The following CELF2 variants were observed in gnomAD, a reference collection of about 807,000 sequenced individuals.
CELF2 encodes CUG triplet repeat RNA-binding protein 2.
Under a neutral mutation model 62.6 loss-of-function variants are expected in CELF2, and 8 were observed. The observed-to-expected ratio is 0.13, with a 90% CI of 0.07 to 0.23. CELF2 has a LOEUF of 0.23. Ranked by LOEUF, CELF2 falls within the 10% of genes least tolerant of loss-of-function variation. The probability of loss-of-function intolerance (pLI) is 1.00; values close to 1 mark genes in which losing one functional copy is unlikely to be tolerated. For synonymous variants in CELF2, 258 were observed against 250.0 expected, an observed-to-expected ratio of 1.03 and a Z score of -0.30; for missense variants, 333 against 671.0, an observed-to-expected ratio of 0.50 and a Z score of 5.56.
chr10:11,329,069 C>G lies in CELF2; in HGVS notation c.*16C>G. On this transcript the variant is annotated 3_prime_UTR_variant, in exon 13 of 13. Transcript: ENST00000633077. The surrounding 1 kb of genome is among the most constrained non-coding windows in gnomAD (Gnocchi z 5.5). ...ACCTTACTGATCCTAACCCCAGAGG[C>G]TCCCTGCTCTCATTTTAGCTTTCTT... is the stretch of plus-strand genomic sequence containing the variant. 1 of 1,600,972 alleles carries G rather than the reference C, an allele frequency of 6.2e-7. No homozygotes were observed. The highest frequency in any genetic ancestry group is 8.5e-7 in the Non-Finnish European group (1 of 1,170,382).
the CELF2 span, among the ~76,000 whole-genome samples, chr10:10,792,043 G>C: frequency 8.0e-6 from 1 of 125,748 alleles, no homozygotes; most frequent in Admixed American, 7.9e-5. Context: ...AGGAGGGAGA[G>C]AGGGAGGAAG....
At chr10:10,878,727 A>G (rs2061265113) in intron 1 of CELF2, among the ~76,000 whole-genome samples, 1 of 151,878 alleles carries the variant, frequency 6.6e-6, no homozygotes, top group African/African-American at 2.4e-5. Context: ...TTTGTTTCCA[A>G]TTCAAATTGA....
At chr10:11,298,580 AC>A (rs1386258210) in intron 9 of CELF2, among the ~76,000 whole-genome samples, 2 of 152,370 alleles carry the variant, frequency 1.3e-5, no homozygotes, top group East Asian at 3.9e-4. Flanking sequence ...GAGTATGTAG[AC>A]ATCTTGATCA....
At chr10:10,499,069 CT>C in the CELF2 span, among the ~76,000 whole-genome samples, 17,292 of 138,826 alleles carry the variant, frequency 0.12, 1,811 homozygotes, top group African/African-American at 0.31. Flanking sequence ...AAGCATTCTA[CT>C]TTTTTTTTTT....
At position 11,247,042 on chromosome 10, in the gene CELF2, C is replaced by T. The variant is rs1431914431; in HGVS notation, c.355-2111C>T. On this transcript the variant is annotated intron_variant, in intron 3 of 12. Coordinates refer to ENST00000633077, the MANE Select transcript of CELF2 (RefSeq NM_001326342.2). The surrounding 1 kb of genome is among the most constrained non-coding windows in gnomAD (Gnocchi z 5.4). ...CACCATCCCCACAACCAGCCAGTCGCCATGAAGTTCAGCCTCCACCAGTGT... is the reference window on the plus strand; with the variant it reads ...CACCATCCCCACAACCAGCCAGTCGTCATGAAGTTCAGCCTCCACCAGTGT... Among the ~76,000 whole-genome samples, 2 of 152,246 alleles carry T rather than the reference C, an allele frequency of 1.3e-5. No individual in the cohort carries two copies. The highest frequency in any genetic ancestry group is 4.8e-5 in the African/African-American group (2 of 41,464).
In CELF2 at chr10:10,843,152, C is replaced by A. The variant is rs11256858; in HGVS notation, c.53+44335C>A. Among the ~76,000 whole-genome samples, 556 of 151,974 alleles carry A rather than the reference C, an allele frequency of 3.7e-3. 31 individuals are homozygous for A. The East Asian group carries it at 0.084, about 23-fold the overall frequency. ...AGTAATAATGACCCAGGTTTTATAT[C>A]TGATATTGGCAATTTGTGTCTCCAC... On this transcript the variant is annotated intron_variant, in intron 1 of 13. Coordinates refer to the CELF2 transcript ENST00000636488.
At chr10:10,965,883 T>C (rs2050069235) in intron 2 of CELF2, among the ~76,000 whole-genome samples, 2 of 152,254 alleles carry the variant, frequency 1.3e-5, no homozygotes, top group Admixed American at 1.3e-4. Flanking sequence ...AACTTATGAA[T>C]GGATCATATT....
intron 1 of CELF2, among the ~76,000 whole-genome samples, chr10:10,820,524 C>T (rs2056870150): frequency 6.6e-6 from 1 of 152,062 alleles, no homozygotes; most frequent in South Asian, 2.1e-4. Flanking sequence ...CAGACATGGC[C>T]CCTGCCTCAT....
chr10:11,293,207 AC>A (rs2092745105), intron 9 of CELF2, among the ~76,000 whole-genome samples: 1 of 152,138 alleles, frequency 6.6e-6, no homozygotes, highest in African/African-American at 2.4e-5. Flanking sequence ...ATTTCCTCCC[AC>A]AAAAATCTAA....
chr10:10,561,733 T>C, the CELF2 span, among the ~76,000 whole-genome samples: 1 of 152,084 alleles, frequency 6.6e-6, no homozygotes, highest in African/African-American at 2.4e-5. Context: ...GTCTCAATCC[T>C]CCCTTTCCTT....
chr10:10,755,569 C>T, the CELF2 span, among the ~76,000 whole-genome samples: 2 of 152,164 alleles, frequency 1.3e-5, no homozygotes, highest in African/African-American at 4.8e-5. Flanking sequence ...AGTCGCTCTA[C>T]GACAGGTGCA....
chr10:11,074,509 G>C (rs2071246217), intron 1 of CELF2, among the ~76,000 whole-genome samples: 1 of 152,220 alleles, frequency 6.6e-6, no homozygotes, highest in Non-Finnish European at 1.5e-5. Flanking sequence ...TAAAGGGAAA[G>C]ATTTCTAGCC....
chr10:10,578,101 T>C, the CELF2 span, among the ~76,000 whole-genome samples: 1 of 152,232 alleles, frequency 6.6e-6, no homozygotes, highest in African/African-American at 2.4e-5. Context: ...TGCATTTCTC[T>C]GATGGCCAGT....
At chr10:10,885,249 A>G (rs571560632) in intron 1 of CELF2, among the ~76,000 whole-genome samples, 1 of 152,164 alleles carries the variant, frequency 6.6e-6, no homozygotes, top group South Asian at 2.1e-4. Context: ...TCTCAAAAAA[A>G]AAACAAAAAA....
At chr10:10,527,154 C>T in the CELF2 span, among the ~76,000 whole-genome samples, 1 of 152,160 alleles carries the variant, frequency 6.6e-6, no homozygotes, top group Non-Finnish European at 1.5e-5. Flanking sequence ...CTTAATTAAC[C>T]ATGCTGGCTC....
chr10:10,537,348 A>G, the CELF2 span, among the ~76,000 whole-genome samples: 1 of 152,198 alleles, frequency 6.6e-6, no homozygotes, highest in African/African-American at 2.4e-5. Flanking sequence ...GACAACATTA[A>G]GGGAAACTTC....
At chr10:11,206,601 C>T (rs2060487635) in intron 2 of CELF2, among the ~76,000 whole-genome samples, 1 of 152,206 alleles carries the variant, frequency 6.6e-6, no homozygotes, top group African/African-American at 2.4e-5. Flanking sequence ...CACCATGAGA[C>T]CCCAGGGAGA....
chr10:11,278,892 C>T (rs2087172625), intron 8 of CELF2, among the ~76,000 whole-genome samples: 1 of 152,128 alleles, frequency 6.6e-6, no homozygotes, highest in Non-Finnish European at 1.5e-5. Flanking sequence ...CAGACTTGTC[C>T]AAAGGCACTA....
intron 1 of CELF2, among the ~76,000 whole-genome samples, chr10:11,086,603 A>C (rs1172128468): frequency 2.6e-5 from 3 of 114,566 alleles, no homozygotes; most frequent in East Asian, 2.0e-4. Flanking sequence ...AAAAAAAAAA[A>C]AAAAAAACTC....
Sources: allele counts gnomAD v4.1 joint callset (sites outside exome capture counted in the v4.1 genomes callset), GRCh38; gene constraint gnomAD v4.1.1; non-coding constraint Gnocchi (gnomAD v3.1); transcripts MANE v1.5; gene names NCBI Gene and HGNC (gene_info 2026-07-23, HGNC 2026-07-21).